PCDH9: variants seen among roughly 807,000 people sequenced by gnomAD.
PCDH9 encodes the protein protocadherin 9.
Under a neutral mutation model 70.6 loss-of-function variants are expected in PCDH9, and 24 were observed. The ratio of observed to expected loss-of-function variants is 0.34; its 90% CI spans 0.25 to 0.48. PCDH9 has a LOEUF of 0.48. Ranked by LOEUF, PCDH9 falls within the 20% of genes least tolerant of loss-of-function variation. The pLI, the probability that PCDH9 is intolerant of heterozygous loss-of-function variation, is 0.99. For missense variants in PCDH9, 1,281 were observed against 1,503.6 expected, an observed-to-expected ratio of 0.85 and a Z score of 2.45; for synonymous variants, 562 against 558.5, an observed-to-expected ratio of 1.01 and a Z score of -0.09.
At chr13:66,306,727 T>G (rs1303254594) in intron 4 of PCDH9, among the ~76,000 whole-genome samples, 1 of 151,966 alleles carries the variant, frequency 6.6e-6, no homozygotes, top group Non-Finnish European at 1.5e-5. Flanking sequence ...TTTATTTTGT[T>G]TAAACACATA....
chr13:67,202,240 A>G (rs935542444), intron 2 of PCDH9: 1 of 152,188 alleles, frequency 6.6e-6, no homozygotes, highest in East Asian at 1.9e-4. Context: ...TGTACTTTGC[A>G]CTTAAATAAT....
At chr13:66,928,814 C>T (rs573945701) in intron 2 of PCDH9, among the ~76,000 whole-genome samples, 2 of 151,880 alleles carry the variant, frequency 1.3e-5, no homozygotes, top group Non-Finnish European at 1.5e-5. Context: ...AACTAAGGTA[C>T]TTTGTTATAG....
chr13:66,492,858 TAC>T (rs1343327922), intron 4 of PCDH9, among the ~76,000 whole-genome samples: 2 of 152,172 alleles, frequency 1.3e-5, no homozygotes, highest in African/African-American at 4.8e-5. Flanking sequence ...CACAAATTAA[TAC>T]AACAAATTAG....
chr13:66,835,286 T>C (rs939770175), intron 3 of PCDH9, among the ~76,000 whole-genome samples: 2 of 152,206 alleles, frequency 1.3e-5, no homozygotes, highest in Non-Finnish European at 1.5e-5. Context: ...AGCTCCCCTG[T>C]GGATGAGGCT....
chr13:66,372,959 A>G (rs1300573873), intron 4 of PCDH9, among the ~76,000 whole-genome samples: 5 of 151,956 alleles, frequency 3.3e-5, no homozygotes, highest in Admixed American at 2.0e-4. Flanking sequence ...TACACAATCT[A>G]GCAATACCAC....
chr13:66,497,790 G>C (rs1246466951), intron 4 of PCDH9, among the ~76,000 whole-genome samples: 1 of 148,100 alleles, frequency 6.8e-6, no homozygotes, highest in Non-Finnish European at 1.5e-5. Context: ...ACAGAGTTGA[G>C]AAAAAGTGCT....
intron 3 of PCDH9, among the ~76,000 whole-genome samples, chr13:66,667,041 T>C (rs1593862698): frequency 6.6e-6 from 1 of 152,140 alleles, no homozygotes; most frequent in South Asian, 2.1e-4. Flanking sequence ...TTTAGGGACA[T>C]CAAATTTTAG....
intron 3 of PCDH9, among the ~76,000 whole-genome samples, chr13:66,818,078 T>C (rs2080640493): frequency 6.6e-6 from 1 of 152,188 alleles, no homozygotes; most frequent in South Asian, 2.1e-4. Context: ...CAACGGACAG[T>C]TTTAATTGGC....
intron 2 of PCDH9, among the ~76,000 whole-genome samples, chr13:67,022,153 A>G (rs1223822403): frequency 7.9e-5 from 5 of 63,622 alleles, no homozygotes; most frequent in African/African-American, 2.6e-4. Context: ...TTTTTGAGAC[A>G]GAGTTTTGCT....
intron 4 of PCDH9, among the ~76,000 whole-genome samples, chr13:66,411,603 G>T (rs1158565606): frequency 6.6e-6 from 1 of 151,814 alleles, no homozygotes; most frequent in East Asian, 1.9e-4. Flanking sequence ...TTTTGAAGAT[G>T]TTTAAATTTG....
chr13:66,888,236 T>A (rs2082039993), intron 3 of PCDH9, among the ~76,000 whole-genome samples: 1 of 152,168 alleles, frequency 6.6e-6, no homozygotes, highest in South Asian at 2.1e-4. Flanking sequence ...GGCTCGTGCC[T>A]ATGATAGCAG....
intron 2 of PCDH9, among the ~76,000 whole-genome samples, chr13:67,101,091 G>C (rs2086423790): frequency 6.6e-6 from 1 of 152,166 alleles, no homozygotes; most frequent in Non-Finnish European, 1.5e-5. Flanking sequence ...GAGCTCCTCA[G>C]AGCCATGCAG....
chr13:66,897,503 A>T (rs1469372964), intron 3 of PCDH9, among the ~76,000 whole-genome samples: 1 of 152,158 alleles, frequency 6.6e-6, no homozygotes, highest in East Asian at 1.9e-4. Flanking sequence ...AAGCAGAGAC[A>T]TGTAGTAGAG....
At chr13:67,112,728 T>C (rs1182488235) in intron 2 of PCDH9, among the ~76,000 whole-genome samples, 1 of 150,958 alleles carries the variant, frequency 6.6e-6, no homozygotes, top group Non-Finnish European at 1.5e-5. Flanking sequence ...CTTTCCTTCT[T>C]TCCTTTCTTG....
chr13:66,843,554 GTC>G (rs2081152465), intron 3 of PCDH9, among the ~76,000 whole-genome samples: 1 of 152,202 alleles, frequency 6.6e-6, no homozygotes, highest in African/African-American at 2.4e-5. Flanking sequence ...TTCACCTTCA[GTC>G]TCTGAATCTG....
intron 3 of PCDH9, among the ~76,000 whole-genome samples, chr13:66,706,493 A>G (rs1318090143): frequency 6.6e-6 from 1 of 152,218 alleles, no homozygotes; most frequent in African/African-American, 2.4e-5. Flanking sequence ...GTGATTAGAC[A>G]AGTACACCTG....
chr13:67,191,088 A>G (rs2088896874), intron 2 of PCDH9, among the ~76,000 whole-genome samples: 1 of 152,028 alleles, frequency 6.6e-6, no homozygotes, highest in South Asian at 2.1e-4. Context: ...TTGAATATCC[A>G]CTCATATCAT....
intron 4 of PCDH9, among the ~76,000 whole-genome samples, chr13:66,548,018 T>C (rs1488047013): frequency 6.7e-6 from 1 of 149,870 alleles, no homozygotes; most frequent in Admixed American, 6.7e-5. Context: ...TATTTGTATG[T>C]ATGTATGTAT....
intron 4 of PCDH9, among the ~76,000 whole-genome samples, chr13:66,559,899 C>A (rs1309245529): frequency 6.7e-6 from 1 of 149,520 alleles, no homozygotes; most frequent in Non-Finnish European, 1.5e-5. Context: ...TGATACAAGG[C>A]CTATCACTTT....
Sources: allele counts gnomAD v4.1 joint callset (sites outside exome capture counted in the v4.1 genomes callset), GRCh38; gene constraint gnomAD v4.1.1; transcripts MANE v1.5; gene names NCBI Gene and HGNC (gene_info 2026-07-23, HGNC 2026-07-21).